SESTD1: variants seen among roughly 807,000 people sequenced by gnomAD.
SESTD1 encodes the protein SEC14 and spectrin domain containing 1.
Under a neutral mutation model 101.7 loss-of-function variants are expected in SESTD1, and 43 were observed. The observed-to-expected ratio is 0.42, with a 90% CI of 0.33 to 0.55. The LOEUF is 0.55. Among genes scored for constraint, SESTD1 ranks in the 20% least tolerant of loss-of-function variants. The pLI is 0.07. For missense variants in SESTD1, 647 were observed against 815.1 expected (o/e 0.79, Z 2.51); for synonymous variants, 283 against 286.8 (o/e 0.99, Z 0.13).
At chr2:179,235,013 A>C (rs934066402) in intron 1 of SESTD1, among the ~76,000 whole-genome samples, 1 of 152,046 alleles carries the variant, frequency 6.6e-6, no homozygotes, top group East Asian at 1.9e-4. Flanking sequence ...TGTATTAAGG[A>C]ACCTAAAGAG....
At chr2:179,131,870 A>C (rs893182448) in intron 10 of SESTD1, among the ~76,000 whole-genome samples, 2 of 152,130 alleles carry the variant, frequency 1.3e-5, no homozygotes, top group African/African-American at 4.8e-5. Flanking sequence ...CACCCTCTGG[A>C]CTTACTCTCC....
At chr2:179,133,314 AT>A (rs1443098670) in intron 9 of SESTD1, among the ~76,000 whole-genome samples, 1 of 152,198 alleles carries the variant, frequency 6.6e-6, no homozygotes, top group Non-Finnish European at 1.5e-5. Context: ...TCCATCATAT[AT>A]TAATAATTCT....
intron 1 of SESTD1, among the ~76,000 whole-genome samples, chr2:179,223,423 G>A (rs1404907097): frequency 6.6e-6 from 1 of 151,864 alleles, no homozygotes; most frequent in Non-Finnish European, 1.5e-5. Flanking sequence ...TGAAATTCAT[G>A]ATACGTAAAT....
chr2:179,182,259 AACAC>A (rs200342356), intron 3 of SESTD1, among the ~76,000 whole-genome samples: 15 of 150,232 alleles, frequency 1.0e-4, no homozygotes, highest in Non-Finnish European at 5.9e-5. Flanking sequence ...TACACACACA[AACAC>A]ACACACACAC....
Position 179,109,721 on chromosome 2 carries a change from G to A in SESTD1, c.*178C>T, listed in dbSNP as rs1169003376. Reference sequence around the variant, plus strand: ...CTTGGAATCTACAGCCTCGAAGCATGTTAAGTAATTATGCCTTGGTAGTAG... The same window carrying A: ...CTTGGAATCTACAGCCTCGAAGCATATTAAGTAATTATGCCTTGGTAGTAG... On this transcript the variant is annotated 3_prime_UTR_variant, in exon 18 of 18. Transcript: ENST00000428443. 4.3e-6 allele frequency: 3 copies of A among 691,422 alleles called. No homozygotes were observed. The East Asian group carries it at 8.0e-5, about 19-fold the overall frequency. The allele number at this position is 691,422 out of a possible 1,614,324, so 42.8% of individuals were successfully genotyped here.
At chr2:179,139,141 A>C (rs1489050953) in intron 9 of SESTD1, among the ~76,000 whole-genome samples, 1 of 152,164 alleles carries the variant, frequency 6.6e-6, no homozygotes, top group African/African-American at 2.4e-5. Context: ...CCTTTTAAAG[A>C]GCCCCTCACT....
chr2:179,203,190 C>A (rs1246008106), intron 1 of SESTD1, among the ~76,000 whole-genome samples: 2 of 134,944 alleles, frequency 1.5e-5, no homozygotes, highest in Admixed American at 1.4e-4. Context: ...CAGCATGACT[C>A]TATACAATTT....
At chr2:179,132,502 C>A in intron 9 of SESTD1, 76 bp from the exon 10 acceptor site, 1 of 1,491,878 alleles carries the variant, frequency 6.7e-7, no homozygotes, top group East Asian at 2.5e-5. Context: ...TTATTTTTCC[C>A]CTCCCAAAGT....
intron 2 of SESTD1, among the ~76,000 whole-genome samples, chr2:179,187,321 G>C (rs1181359652): frequency 6.6e-6 from 1 of 152,116 alleles, no homozygotes; most frequent in East Asian, 1.9e-4. Context: ...CAAATGGCAA[G>C]ATGGATCCAA....
At chr2:179,168,439 G>A (rs553770945) in intron 5 of SESTD1, among the ~76,000 whole-genome samples, 2 of 152,130 alleles carry the variant, frequency 1.3e-5, no homozygotes, top group East Asian at 3.9e-4. Flanking sequence ...AAGTAAGTTA[G>A]ACACAAATTT....
intron 1 of SESTD1, among the ~76,000 whole-genome samples, chr2:179,231,820 T>A (rs1486700198): frequency 6.6e-6 from 1 of 151,532 alleles, no homozygotes; most frequent in Non-Finnish European, 1.5e-5. Flanking sequence ...ATCTTGATAC[T>A]AAAGAAGACT....
At position 179,122,898 on chromosome 2, in the gene SESTD1, AAAAAT is replaced by A. The variant is rs538076402; in HGVS notation, c.1282+812_1282+816del. On this transcript the variant is annotated intron_variant, in intron 12 of 17. Transcript: ENST00000428443. ...GCAACACAGCAAGACTCCATCTCAA[AAAAAT>A]AAAATAACAAAGGCTGTAAGCAAGT... Among the ~76,000 whole-genome samples, 283 of 152,338 alleles carry A rather than the reference AAAAAT, an allele frequency of 1.9e-3. 1 individual carries two copies. Among genetic ancestry groups the A allele is most frequent in the African/African-American group, 6.7e-3 (277 of 41,574 alleles).
intron 5 of SESTD1, among the ~76,000 whole-genome samples, chr2:179,170,019 A>G: frequency 6.6e-6 from 1 of 151,872 alleles, no homozygotes; most frequent in East Asian, 1.9e-4. Context: ...CATATTCTTG[A>G]CCATAGCTCA....
chr2:179,107,956 G>A lies in SESTD1; in HGVS notation c.*1943C>T, dbSNP rs1410851100. Reference sequence around the variant, plus strand: ...CTTCCTGGATGTTCTCAGAAGCAGTGACCACATAAGACAAGAGGGAGCAGT... The same window carrying A: ...CTTCCTGGATGTTCTCAGAAGCAGTAACCACATAAGACAAGAGGGAGCAGT... On this transcript the variant is annotated 3_prime_UTR_variant, in exon 18 of 18. Transcript: ENST00000428443. The A allele has an allele frequency of 6.6e-6, 1 of 152,150 alleles. No homozygotes were observed. Among genetic ancestry groups the A allele is most frequent in the African/African-American group, 2.4e-5 (1 of 41,428 alleles). 9.4% of individuals were successfully genotyped at this position (152,150 alleles called of 1,614,324 possible). A position where few individuals can be genotyped will look rare whatever the true frequency, so the allele number is the denominator to read the frequency against.
At chr2:179,240,298 T>G (rs1323837563) in intron 1 of SESTD1, among the ~76,000 whole-genome samples, 1 of 152,174 alleles carries the variant, frequency 6.6e-6, no homozygotes, top group Non-Finnish European at 1.5e-5. Flanking sequence ...CTGGAGGTTT[T>G]CTAAAAGGAG....
At chr2:179,242,915 A>G (rs2047176241) in intron 1 of SESTD1, among the ~76,000 whole-genome samples, 1 of 152,146 alleles carries the variant, frequency 6.6e-6, no homozygotes, top group Non-Finnish European at 1.5e-5. Context: ...ACTAAGTCCT[A>G]AAAAGCAAGT....
At chr2:179,141,722 C>T (rs113554426) in intron 9 of SESTD1, among the ~76,000 whole-genome samples, 29 of 151,334 alleles carry the variant, frequency 1.9e-4, no homozygotes, top group Non-Finnish European at 3.4e-4. Flanking sequence ...GGTCAAGCAG[C>T]TTGGAAGTGG....
chr2:179,218,920 A>C (rs917106644), intron 1 of SESTD1, among the ~76,000 whole-genome samples: 11 of 152,230 alleles, frequency 7.2e-5, no homozygotes, highest in Non-Finnish European at 1.2e-4. Context: ...TGATGAATTA[A>C]TGGATAAATG....
At chr2:179,225,324 A>G (rs973853306) in intron 1 of SESTD1, among the ~76,000 whole-genome samples, 3 of 152,120 alleles carry the variant, frequency 2.0e-5, no homozygotes, top group Admixed American at 6.5e-5. Context: ...TCTAAGTTAT[A>G]TAAATTCTCA....
Sources: gnomAD v4.1 joint callset for allele counts (sites outside exome capture counted in the v4.1 genomes callset) on GRCh38, gnomAD v4.1.1 for gene constraint, MANE v1.5 for transcripts, NCBI Gene and HGNC (gene_info 2026-07-23, HGNC 2026-07-21) for gene names.